The following IFT74 variants were observed in gnomAD, a reference collection of about 807,000 sequenced individuals.
IFT74 encodes intraflagellar transport protein 74 homolog.
A neutral mutation model predicts 96.7 loss-of-function variants in IFT74; 92 were observed. The ratio of observed to expected loss-of-function variants is 0.95; its 90% CI spans 0.80 to 1.13. The LOEUF is 1.13. Ranked by LOEUF, IFT74 falls within the 50% of genes most tolerant of loss-of-function variation. The pLI is 0.00. For missense variants in IFT74, 811 were observed against 698.2 expected (o/e 1.16, Z -1.82); for synonymous variants, 223 against 213.2 (o/e 1.05, Z -0.40).
chr9:26,965,393 A>C (rs1826563651), intron 2 of IFT74, among the ~76,000 whole-genome samples: 1 of 152,198 alleles, frequency 6.6e-6, no homozygotes, highest in South Asian at 2.1e-4. Flanking sequence ...TGGAGGGAAT[A>C]ATTTTGTTAA....
intron 1 of IFT74, among the ~76,000 whole-genome samples, chr9:26,957,344 C>T (rs542428225): frequency 1.3e-5 from 2 of 152,260 alleles, no homozygotes; most frequent in South Asian, 2.1e-4. Flanking sequence ...ATCTTTTCCA[C>T]TGGAAAGAGA....
chr9:27,026,335 A>G (rs1587376259), intron 12 of IFT74, among the ~76,000 whole-genome samples: 1 of 152,212 alleles, frequency 6.6e-6, no homozygotes, highest in African/African-American at 2.4e-5. Context: ...GTAAAAAACA[A>G]TTACCACTAG....
intron 9 of IFT74, among the ~76,000 whole-genome samples, chr9:27,009,740 A>C (rs17756299): frequency 0.061 from 9,239 of 152,086 alleles, 336 homozygotes; most frequent in Middle Eastern, 0.15. Flanking sequence ...CTGCTTAATA[A>C]ACAGCTAACC....
intron 19 of IFT74, 113 bp from the exon 20 acceptor site, chr9:27,062,505 A>G: frequency 1.6e-6 from 1 of 620,074 alleles, no homozygotes; most frequent in Non-Finnish European, 2.9e-6. Flanking sequence ...AAAGTATTCT[A>G]ATTGTGCTTT....
At position 27,056,351 on chromosome 9, in the gene IFT74, A is replaced by T; in HGVS notation, c.1515A>T (p.Arg505Ser). The change falls in exon 18 of 20, where the codon AGA becomes AGT. Residue 505 changes from arginine to serine, a missense_variant. Transcript: ENST00000380062. ...EEKIKKLHQE[R>S]MILSTHRNAF... is the part of the protein sequence containing the mutation. ...CTTTCTAGAAATTACATCAGGAGAG[A>T]ATGATATTATCAACCCACAGAAATG... 1 of 1,584,736 alleles carries T rather than the reference A, an allele frequency of 6.3e-7. No individual in the cohort carries two copies. Among genetic ancestry groups the T allele is most frequent in the Admixed American group, 1.7e-5 (1 of 57,632 alleles).
At chr9:27,028,900 G>C (rs1829994414) in intron 12 of IFT74, 125 bp from the exon 13 acceptor site, 1 of 832,854 alleles carries the variant, frequency 1.2e-6, no homozygotes. Context: ...ATTGTCCTTA[G>C]AATAAGACAT....
intron 8 of IFT74, among the ~76,000 whole-genome samples, chr9:26,999,867 G>A (rs1025524153): frequency 6.7e-6 from 1 of 149,326 alleles, no homozygotes; most frequent in Non-Finnish European, 1.5e-5. Flanking sequence ...GATCTCCCAG[G>A]CTTAAGCAGT....
chr9:26,980,609 G>A lies in IFT74; in HGVS notation c.295G>A (p.Gly99Arg). 6.3e-7 allele frequency: 1 copy of A among 1,596,202 alleles called. No individual in the cohort carries two copies. The highest frequency in any genetic ancestry group is 8.6e-7 in the Non-Finnish European group (1 of 1,164,604). The change falls in exon 4 of 20, where the codon GGG becomes AGG. Residue 99 changes from glycine (G) to arginine (R), a missense_variant. By Grantham distance (125) the Gly-to-Arg change is moderately radical. Coordinates refer to ENST00000380062, the MANE Select transcript of IFT74 (RefSeq NM_025103.4). The part of the protein sequence containing the change: ...RQILDKSYYL[G>R]LLRSKISELT... ...AATTTTAGACAAATCTTACTATCTTGGGCTTCTTAGGTATGTTAAACATAT... is the reference window on the plus strand; with the variant it reads ...AATTTTAGACAAATCTTACTATCTTAGGCTTCTTAGGTATGTTAAACATAT...
At chr9:26,988,639 GTGTT>G (rs770349107) in intron 6 of IFT74, 26 bp from the exon 7 acceptor site, 56 of 1,515,342 alleles carry the variant, frequency 3.7e-5, no homozygotes, top group East Asian at 2.1e-4. Context: ...TAACAAAATG[GTGTT>G]TGTTTGTTTG....
intron 13 of IFT74, among the ~76,000 whole-genome samples, chr9:27,042,971 C>T (rs1248341073): frequency 6.6e-6 from 1 of 152,204 alleles, no homozygotes; most frequent in African/African-American, 2.4e-5. Context: ...TATAAACACA[C>T]ACACATATAC....
At chr9:26,989,713 A>G (rs1827786645) in intron 7 of IFT74, among the ~76,000 whole-genome samples, 1 of 152,142 alleles carries the variant, frequency 6.6e-6, no homozygotes. Flanking sequence ...TCTGTTTTCT[A>G]GGCTGGGTGT....
intron 5 of IFT74, 21 bp from the exon 6 acceptor site, chr9:26,984,476 ATG>A (rs759668128): frequency 2.5e-6 from 4 of 1,602,110 alleles, no homozygotes; most frequent in African/African-American, 2.7e-5. Flanking sequence ...ATATTTATGA[ATG>A]TATTTATTTT....
At position 27,063,492 on chromosome 9, in the gene IFT74, G is replaced by C. The variant is rs1481365779; in HGVS notation, c.*756G>C. On this transcript the variant is annotated 3_prime_UTR_variant, in exon 20 of 20. Coordinates refer to ENST00000380062, the MANE Select transcript of IFT74 (RefSeq NM_025103.4). Reference sequence around the variant, plus strand: ...TTATAAACATTAGCCAGAATATTTGGGGAAAAAAGCTAGAAGAGGTAGGAT... The same window carrying C: ...TTATAAACATTAGCCAGAATATTTGCGGAAAAAAGCTAGAAGAGGTAGGAT... Among the ~76,000 whole-genome samples, 1 of 151,984 alleles carries C rather than the reference G, an allele frequency of 6.6e-6. No individual in the cohort carries two copies. Among genetic ancestry groups the C allele is most frequent in the Non-Finnish European group, 1.5e-5 (1 of 67,956 alleles).
In IFT74 at chr9:27,044,721, TG is replaced by T; in HGVS notation, c.1055-20del. On this transcript the variant is annotated intron_variant, in intron 13 of 19. Coordinates refer to ENST00000380062, the MANE Select transcript of IFT74 (RefSeq NM_025103.4). Reference sequence around the variant, plus strand: ...TATGTGCAATTTTTGAAATTCATGTTGTATTTTATATCTCTCATAGGTGAAA... The same window carrying T: ...TATGTGCAATTTTTGAAATTCATGTTTATTTTATATCTCTCATAGGTGAAA... 1 of 1,491,112 alleles carries T rather than the reference TG, an allele frequency of 6.7e-7. No individual in the cohort carries two copies. Among genetic ancestry groups the T allele is most frequent in the Non-Finnish European group, 9.2e-7 (1 of 1,086,876 alleles). The allele number at this position is 1,491,112 out of a possible 1,614,324, so 92.4% of individuals were successfully genotyped here. A position where few individuals can be genotyped will look rare whatever the true frequency, so the allele number is the denominator to read the frequency against.
intron 15 of IFT74, 146 bp downstream of exon 15, chr9:27,047,517 T>G: frequency 1.8e-6 from 1 of 545,658 alleles, no homozygotes; most frequent in Non-Finnish European, 3.2e-6. Context: ...ACTATTTATT[T>G]CAGCTATTAA....
Position 27,012,686 on chromosome 9 carries a change from C to T in IFT74, c.789+718C>T, listed in dbSNP as rs183371108. Among the ~76,000 whole-genome samples, 3 of 130,296 alleles carry T rather than the reference C, an allele frequency of 2.3e-5. No homozygotes were observed. The South Asian group carries it at 7.4e-4, about 32-fold the overall frequency. The allele number at this position is 130,296 out of a possible 152,430, so 85.5% of individuals were successfully genotyped here. A position where few individuals can be genotyped will look rare whatever the true frequency, so the allele number is the denominator to read the frequency against. On this transcript the variant is annotated intron_variant, in intron 10 of 19. Coordinates refer to ENST00000380062, the MANE Select transcript of IFT74 (RefSeq NM_025103.4). ...TGCATATGGTTTAAAAATAGTTGAA[C>T]AAGAGGAAAGTAAAAATGTCTGTTT... is the stretch of plus-strand genomic sequence containing the variant.
rs1407817782 is a variant in IFT74 at position 27,064,417 on chromosome 9, T to A, written c.*1681T>A. 6.6e-6 allele frequency among the ~76,000 whole-genome samples: 1 copy of A among 152,136 alleles called. No individual in the cohort carries two copies. The highest frequency in any genetic ancestry group is 1.5e-5 in the Non-Finnish European group (1 of 67,966). On this transcript the variant is annotated 3_prime_UTR_variant, in exon 20 of 20. Transcript: ENST00000380062. ...CAGTTAAAGAGAATGAAATCTGAAATTCAGTAGATAAAACAGGTAATAGAT... is the reference window on the plus strand; with the variant it reads ...CAGTTAAAGAGAATGAAATCTGAAAATCAGTAGATAAAACAGGTAATAGAT...
At chr9:27,062,517 T>C in intron 19 of IFT74, 101 bp from the exon 20 acceptor site, 2 of 655,076 alleles carry the variant, frequency 3.1e-6, no homozygotes, top group East Asian at 5.6e-5. Flanking sequence ...TTGTGCTTTT[T>C]TGTACCATCT....
intron 13 of IFT74, among the ~76,000 whole-genome samples, chr9:27,041,678 C>T (rs10812518): frequency 0.31 from 46,789 of 151,934 alleles, 8,362 homozygotes; most frequent in East Asian, 0.7. Flanking sequence ...TCTACAATCT[C>T]ATCCTGTCCT....
Sources: allele counts gnomAD v4.1 joint callset (sites outside exome capture counted in the v4.1 genomes callset), GRCh38; gene constraint gnomAD v4.1.1; transcripts MANE v1.5; gene names NCBI Gene and HGNC (gene_info 2026-07-23, HGNC 2026-07-21).